RNF157: variants seen among roughly 807,000 people sequenced by gnomAD.
The protein encoded by RNF157 is ring finger protein 157.
RNF157 carries 55 observed loss-of-function variants against 88.3 expected under a neutral mutation model. The observed-to-expected ratio is 0.62, with a 90% CI of 0.50 to 0.78. The LOEUF is 0.78. RNF157 is among the 30% of genes least tolerant of loss of function. The probability of loss-of-function intolerance (pLI) is 0.00; values close to 1 mark genes in which losing one functional copy is unlikely to be tolerated. For synonymous variants in RNF157, 334 were observed against 341.2 expected (o/e 0.98, Z 0.23); for missense variants, 788 against 860.8 (o/e 0.92, Z 1.06).
chr17:76,154,383 A>T, intron 16 of RNF157, 55 bp from the exon 17 acceptor site: 1 of 1,185,902 alleles, frequency 8.4e-7, no homozygotes, highest in Non-Finnish European at 1.3e-6. Flanking sequence ...GAGTAAACTG[A>T]TTGGCTGAAG....
At chr17:76,209,302 C>CT (rs2069735833) in intron 2 of RNF157, among the ~76,000 whole-genome samples, 1 of 152,104 alleles carries the variant, frequency 6.6e-6, no homozygotes, top group Admixed American at 6.6e-5. Context: ...AGAGCTCAGT[C>CT]ATTCATAGGT....
At chr17:76,198,174 T>G (rs1034740392) in intron 2 of RNF157, among the ~76,000 whole-genome samples, 1 of 152,170 alleles carries the variant, frequency 6.6e-6, no homozygotes, top group Admixed American at 6.5e-5. Flanking sequence ...CCAGAGGTGC[T>G]TGGGACCTGG....
At chr17:76,193,279 T>C (rs1010356821) in intron 2 of RNF157, among the ~76,000 whole-genome samples, 1 of 152,252 alleles carries the variant, frequency 6.6e-6, no homozygotes, top group African/African-American at 2.4e-5. Flanking sequence ...TAAAAATATA[T>C]GTTATCATTA....
intron 1 of RNF157, among the ~76,000 whole-genome samples, chr17:76,235,388 C>T (rs376484532): frequency 1.5e-4 from 23 of 152,084 alleles, no homozygotes; most frequent in East Asian, 3.9e-4. Context: ...TTAGTAGAGA[C>T]GGGGTTTCAC....
intron 18 of RNF157, among the ~76,000 whole-genome samples, chr17:76,148,522 C>T (rs1389158158): frequency 3.3e-5 from 5 of 151,274 alleles, no homozygotes; most frequent in Admixed American, 6.6e-5. Context: ...CCATCTCGGC[C>T]TCCCAAAGTG....
intron 7 of RNF157, among the ~76,000 whole-genome samples, chr17:76,165,077 T>C (rs773464039): frequency 3.3e-5 from 5 of 152,204 alleles, no homozygotes; most frequent in Admixed American, 1.3e-4. Flanking sequence ...AACTTTATCA[T>C]AGGTGTGGAT....
chr17:76,217,239 G>A (rs1189283152), intron 1 of RNF157, among the ~76,000 whole-genome samples: 1 of 151,732 alleles, frequency 6.6e-6, no homozygotes, highest in Admixed American at 6.6e-5. Flanking sequence ...CAAACTCCTG[G>A]GTCAAGAGAC....
chr17:76,179,456 T>C (rs1318325680), intron 2 of RNF157, among the ~76,000 whole-genome samples: 4 of 150,888 alleles, frequency 2.7e-5, no homozygotes, highest in Non-Finnish European at 5.9e-5. Flanking sequence ...CTTTGGGAGG[T>C]CGAGGTGGGC....
At chr17:76,223,517 C>T (rs1465030769) in intron 1 of RNF157, among the ~76,000 whole-genome samples, 1 of 152,128 alleles carries the variant, frequency 6.6e-6, no homozygotes, top group Non-Finnish European at 1.5e-5. Context: ...CAATACCTGA[C>T]TCTTCCTTTT....
intron 2 of RNF157, among the ~76,000 whole-genome samples, chr17:76,192,869 T>G (rs1347459876): frequency 6.9e-6 from 1 of 145,174 alleles, no homozygotes; most frequent in Non-Finnish European, 1.5e-5. Flanking sequence ...TGAGACAGCA[T>G]CCGCTCTCTT....
At chr17:76,221,640 C>T (rs1598440432) in intron 1 of RNF157, among the ~76,000 whole-genome samples, 2 of 152,132 alleles carry the variant, frequency 1.3e-5, no homozygotes, top group Admixed American at 6.6e-5. Flanking sequence ...GTTCATGCTC[C>T]TTCATTGGTT....
At chr17:76,224,286 T>C (rs2070039099) in intron 1 of RNF157, among the ~76,000 whole-genome samples, 1 of 152,230 alleles carries the variant, frequency 6.6e-6, no homozygotes, top group Non-Finnish European at 1.5e-5. Flanking sequence ...TATTGAGCAA[T>C]GGGTTCCCTA....
intron 2 of RNF157, among the ~76,000 whole-genome samples, chr17:76,193,970 G>A (rs1260439083): frequency 3.3e-5 from 5 of 152,142 alleles, no homozygotes; most frequent in African/African-American, 1.2e-4. Flanking sequence ...GTCCACAAAC[G>A]GGACTCCCTG....
At position 76,149,464 on chromosome 17, in the gene RNF157, A is replaced by G. The variant is rs188818306; in HGVS notation, c.1921+2891T>C. Among the ~76,000 whole-genome samples the G allele has an allele frequency of 8.7e-4, 132 of 152,176 alleles. 1 individual carries two copies. The highest frequency in any genetic ancestry group is 1.4e-3 in the Non-Finnish European group (97 of 67,998). On this transcript the variant is annotated intron_variant, in intron 18 of 18. Coordinates refer to ENST00000269391, the MANE Select transcript of RNF157 (RefSeq NM_052916.3). ...GGAGCAATGAGGCGCCAAGACGGCC[A>G]GTGGTATCTCAGCCCCAGGATAGAA...
At position 76,185,475 on chromosome 17, in the gene RNF157, C is replaced by CT. The variant is rs71161271; in HGVS notation, c.208-11686dup. Among the ~76,000 whole-genome samples the CT allele has an allele frequency of 2.5e-3, 356 of 141,856 alleles. 3 individuals are homozygous for CT. The highest frequency in any genetic ancestry group is 3.7e-3 in the Non-Finnish European group (241 of 65,720). 93.1% of individuals were successfully genotyped at this position (141,856 alleles called of 152,430 possible). A position where few individuals can be genotyped will look rare whatever the true frequency, so the allele number is the denominator to read the frequency against. On this transcript the variant is annotated intron_variant, in intron 2 of 18. Coordinates refer to ENST00000269391, the MANE Select transcript of RNF157 (RefSeq NM_052916.3). ...ACTAGTGGTCAGAGATTAGTCCTTT[C>CT]TTTTTTTTTTTTGAGACGGAGTCTC...
At position 76,149,850 on chromosome 17, in the gene RNF157, A is replaced by G. The variant is rs776301777; in HGVS notation, c.1921+2505T>C. ...GGAGTTCAAGACCACCCTGACCAAC[A>G]TGGTAAAACTCCGTCTCTGCTAAAA... On this transcript the variant is annotated intron_variant, in intron 18 of 18. Transcript: ENST00000269391. Among the ~76,000 whole-genome samples, 5 of 152,250 alleles carry G rather than the reference A, an allele frequency of 3.3e-5. 1 individual carries two copies. The highest frequency in any genetic ancestry group is 2.4e-5 in the African/African-American group (1 of 41,542).
At chr17:76,156,790 T>C (rs2068771574) in intron 13 of RNF157, among the ~76,000 whole-genome samples, 1 of 152,196 alleles carries the variant, frequency 6.6e-6, no homozygotes, top group African/African-American at 2.4e-5. Context: ...CCCAGCCTGC[T>C]GCTCCTCCCA....
chr17:76,147,843 A>G (rs564439644), intron 18 of RNF157, among the ~76,000 whole-genome samples: 1 of 152,314 alleles, frequency 6.6e-6, no homozygotes, highest in African/African-American at 2.4e-5. Context: ...CAAAATCCTT[A>G]GAGGGAAATG....
At chr17:76,148,084 C>T (rs2068612313) in intron 18 of RNF157, among the ~76,000 whole-genome samples, 1 of 152,094 alleles carries the variant, frequency 6.6e-6, no homozygotes, top group Non-Finnish European at 1.5e-5. Context: ...TTAGTGCCCA[C>T]AAAGTGCAAG....
Sources: allele counts gnomAD v4.1 joint callset (sites outside exome capture counted in the v4.1 genomes callset), GRCh38; gene constraint gnomAD v4.1.1; transcripts MANE v1.5; gene names NCBI Gene and HGNC (gene_info 2026-07-23, HGNC 2026-07-21).